ZNF248: variants seen among roughly 807,000 people sequenced by gnomAD.
ZNF248 encodes the protein KRAB protein domain.
Under a neutral mutation model 44.3 loss-of-function variants are expected in ZNF248, and 20 were observed. The ratio of observed to expected loss-of-function variants is 0.45; its 90% CI spans 0.32 to 0.66. The LOEUF (loss-of-function observed/expected upper bound fraction) is 0.66. Ranked by LOEUF, ZNF248 falls within the 30% of genes least tolerant of loss-of-function variation. The pLI is 0.04. For missense variants in ZNF248, 654 were observed against 677.0 expected (o/e 0.97, Z 0.38); for synonymous variants, 224 against 229.0 (o/e 0.98, Z 0.20).
At chr10:37,791,210 T>A (rs923744941) in intron 6 of ZNF248, among the ~76,000 whole-genome samples, 6 of 151,302 alleles carry the variant, frequency 4.0e-5, no homozygotes, top group Non-Finnish European at 7.4e-5. Context: ...ACCGGCTAAT[T>A]TTTTTGTATT....
intron 5 of ZNF248, among the ~76,000 whole-genome samples, chr10:37,836,369 T>C (rs1292597006): frequency 1.3e-5 from 2 of 152,136 alleles, no homozygotes; most frequent in Non-Finnish European, 2.9e-5. Context: ...AAAAGTAAAA[T>C]TTATGTATCT....
rs200201385 is a variant in ZNF248, at chr10:37,831,939, G to C, written c.1416C>G (p.Ser472=). The stretch of plus-strand genomic sequence containing the variant: ...CAGTGAGGGCTGATCTGTGGCAGAA[G>C]GATTTCCCACATGCATTACATTCAT... ...KPYECNACGK[S]FCHRSALTVH... is the part of the protein sequence containing the mutation. Residue 472 remains serine (S), a synonymous_variant, in exon 6 of 6, where the codon TCC becomes TCG. Transcript: ENST00000395867. The C allele has an allele frequency of 5.0e-6, 8 of 1,613,970 alleles. No homozygotes were observed. The East Asian group carries it at 1.8e-4, about 36-fold the overall frequency.
intron 3 of ZNF248, among the ~76,000 whole-genome samples, chr10:37,844,499 T>G (rs1294474146): frequency 6.6e-6 from 1 of 152,220 alleles, no homozygotes; most frequent in African/African-American, 2.4e-5. Context: ...CCAATCTTTA[T>G]TTCCTAAAGG....
At chr10:37,799,654 C>T (rs1031822396) in intron 6 of ZNF248, among the ~76,000 whole-genome samples, 5 of 151,894 alleles carry the variant, frequency 3.3e-5, no homozygotes, top group Non-Finnish European at 7.4e-5. Context: ...CAGTAAGACT[C>T]GTAAGAAGGG....
intron 6 of ZNF248, among the ~76,000 whole-genome samples, chr10:37,786,172 A>C (rs991796832): frequency 1.3e-5 from 2 of 152,232 alleles, no homozygotes; most frequent in East Asian, 3.9e-4. Flanking sequence ...AGTAGAGATC[A>C]ATGCAGAGCA....
rs2046666752 is a variant in ZNF248, at chr10:37,777,151, T to C, written c.331-576A>G. Among the ~76,000 whole-genome samples the C allele has an allele frequency of 2.0e-5, 3 of 152,222 alleles. No homozygotes were observed. The South Asian group carries it at 6.2e-4, about 32-fold the overall frequency. ...CTAAACTGGAGGTAGGAAGTCATTCTAAGGGCTGCCTGCACATTCTACAAA... is the reference window on the plus strand; with the variant it reads ...CTAAACTGGAGGTAGGAAGTCATTCCAAGGGCTGCCTGCACATTCTACAAA... On this transcript the variant is annotated intron_variant, in intron 6 of 6. Coordinates refer to the ZNF248 transcript ENST00000615949.
downstream of ZNF248, among the ~76,000 whole-genome samples, chr10:37,772,126 G>A (rs147401436): frequency 4.7e-3 from 712 of 152,178 alleles, 10 homozygotes; most frequent in African/African-American, 0.016. Flanking sequence ...TCAGCCAGGC[G>A]TGGTGGCATG....
At chr10:37,792,893 ATCCAAACAAAAT>A (rs2048724365) in intron 6 of ZNF248, among the ~76,000 whole-genome samples, 2 of 152,172 alleles carry the variant, frequency 1.3e-5, no homozygotes, top group South Asian at 4.1e-4. Context: ...AACTGGTGAA[ATCCAAACAAAAT>A]TTTTCATTAA....
intron 5 of ZNF248, among the ~76,000 whole-genome samples, chr10:37,834,568 T>G (rs2056689632): frequency 6.6e-6 from 1 of 152,168 alleles, no homozygotes; most frequent in South Asian, 2.1e-4. Flanking sequence ...GGCCCTTCTC[T>G]TTTGGAGAAC....
At chr10:37,810,583 GA>G (rs2051333637) in intron 6 of ZNF248, among the ~76,000 whole-genome samples, 1 of 151,786 alleles carries the variant, frequency 6.6e-6, no homozygotes, top group Non-Finnish European at 1.5e-5. Flanking sequence ...GTGACAATTT[GA>G]AAAAAACTTG....
intron 6 of ZNF248, among the ~76,000 whole-genome samples, chr10:37,810,193 G>T (rs1217750725): frequency 6.6e-6 from 1 of 152,174 alleles, no homozygotes; most frequent in Non-Finnish European, 1.5e-5. Context: ...GTTAAATCAA[G>T]TTGGCTTATT....
At chr10:37,855,784 T>G (rs2061182746) in intron 3 of ZNF248, among the ~76,000 whole-genome samples, 1 of 152,242 alleles carries the variant, frequency 6.6e-6, no homozygotes, top group Non-Finnish European at 1.5e-5. Context: ...TTCATCAGAT[T>G]GAAACATAAA....
chr10:37,833,528 A>G (rs1298365787), intron 5 of ZNF248, among the ~76,000 whole-genome samples: 2 of 152,184 alleles, frequency 1.3e-5, no homozygotes, highest in East Asian at 3.8e-4. Flanking sequence ...CAGAGGATGC[A>G]TTAGGTTTGG....
At chr10:37,767,884 T>A in the ZNF248 span, among the ~76,000 whole-genome samples, 11 of 152,020 alleles carry the variant, frequency 7.2e-5, no homozygotes. Context: ...GAAACCCATC[T>A]CACGTGCAGA....
chr10:37,856,686 A>G (rs1052762314), intron 1 of ZNF248, 154 bp from the exon 2 acceptor site: 13 of 1,004,862 alleles, frequency 1.3e-5, no homozygotes, highest in Non-Finnish European at 1.4e-5. Flanking sequence ...TAACACCATT[A>G]ATGCCCTGAG....
chr10:37,824,212 G>C (rs34591573), downstream of ZNF248, among the ~76,000 whole-genome samples: 4,176 of 152,230 alleles, frequency 0.027, 140 homozygotes, highest in African/African-American at 0.082. Context: ...CTGATATCCA[G>C]TTTGAAGGTC....
At chr10:37,809,514 G>A (rs1278756240) in intron 6 of ZNF248, among the ~76,000 whole-genome samples, 1 of 152,184 alleles carries the variant, frequency 6.6e-6, no homozygotes, top group Admixed American at 6.6e-5. Flanking sequence ...CTGACTTGAA[G>A]TGATTCACCA....
chr10:37,853,808 G>A (rs1433417790), intron 3 of ZNF248, among the ~76,000 whole-genome samples: 2 of 151,972 alleles, frequency 1.3e-5, no homozygotes, highest in Non-Finnish European at 2.9e-5. Flanking sequence ...AAAAAATGAC[G>A]AATCTGTCAC....
the ZNF248 span, among the ~76,000 whole-genome samples, chr10:37,767,857 C>G: frequency 3.9e-5 from 6 of 152,152 alleles, no homozygotes; most frequent in Non-Finnish European, 7.3e-5. Flanking sequence ...CAAGACCCAT[C>G]AGTGTGCTGT....
Sources: allele counts gnomAD v4.1 joint callset (sites outside exome capture counted in the v4.1 genomes callset), GRCh38; gene constraint gnomAD v4.1.1; transcripts MANE v1.5; gene names NCBI Gene and HGNC (gene_info 2026-07-23, HGNC 2026-07-21).